GRM8: variants seen among roughly 807,000 people sequenced by gnomAD.
GRM8 encodes the protein metabotropic glutamate receptor 8.
GRM8 carries 47 observed loss-of-function variants against 87.2 expected under a neutral mutation model. That is an observed-to-expected ratio of 0.54 (90% CI 0.43 to 0.69). The LOEUF (loss-of-function observed/expected upper bound fraction) is 0.69, where lower values mean the gene tolerates loss of function less well. Ranked by LOEUF, GRM8 falls within the 30% of genes least tolerant of loss-of-function variation. The pLI, the probability that GRM8 is intolerant of heterozygous loss-of-function variation, is 0.00. For synonymous variants in GRM8, 396 were observed against 404.5 expected (o/e 0.98, Z 0.25); for missense variants, 1,019 against 1,139.2 (o/e 0.89, Z 1.52).
At chr7:126,747,353 C>T (rs1287563694) in intron 7 of GRM8, among the ~76,000 whole-genome samples, 2 of 151,942 alleles carry the variant, frequency 1.3e-5, no homozygotes, top group African/African-American at 4.8e-5. Flanking sequence ...TAGCCACTTG[C>T]CCTATTATGC....
rs1799304624 is a variant in GRM8, at chr7:126,873,789, C to G, written c.1156+28753G>C. Among the ~76,000 whole-genome samples, 3 of 152,166 alleles carry G rather than the reference C, an allele frequency of 2.0e-5. No homozygotes were observed. The South Asian group carries it at 6.2e-4, about 32-fold the overall frequency. On this transcript the variant is annotated intron_variant, in intron 6 of 10. Coordinates refer to ENST00000339582, the MANE Select transcript of GRM8 (RefSeq NM_000845.3). ...AACATGGCAACCTATTGGGCTGAGA[C>G]AGATAGAAAATGCATCCATGATCTC...
At chr7:126,967,435 G>C (rs10272799) in intron 3 of GRM8, among the ~76,000 whole-genome samples, 347 of 151,978 alleles carry the variant, frequency 2.3e-3, no homozygotes, top group African/African-American at 8.0e-3. Flanking sequence ...TTTTTCAAAG[G>C]GAAAATAACC....
chr7:127,131,213 T>C (rs1303129720), intron 2 of GRM8, among the ~76,000 whole-genome samples: 1 of 152,188 alleles, frequency 6.6e-6, no homozygotes, highest in African/African-American at 2.4e-5. Flanking sequence ...TTCTTGTTGA[T>C]TGCTTACAAT....
chr7:126,726,019 T>A (rs1812930347), intron 7 of GRM8, among the ~76,000 whole-genome samples: 1 of 152,188 alleles, frequency 6.6e-6, no homozygotes, highest in Admixed American at 6.5e-5. Context: ...AACATCAGAT[T>A]TGGGTAGGGA....
At chr7:126,491,245 T>C (rs967029729) in intron 9 of GRM8, among the ~76,000 whole-genome samples, 2 of 152,068 alleles carry the variant, frequency 1.3e-5, no homozygotes, top group African/African-American at 4.8e-5. Context: ...CACAGAAACA[T>C]GATTTTCCTC....
chr7:127,091,681 A>C (rs1448035425), intron 3 of GRM8, among the ~76,000 whole-genome samples: 4 of 44,524 alleles, frequency 9.0e-5, no homozygotes, highest in Non-Finnish European at 1.2e-4. Flanking sequence ...TCATCCTCCC[A>C]TCCCACTGAT....
chr7:126,491,075 T>A (rs1268725029), intron 9 of GRM8, among the ~76,000 whole-genome samples: 3 of 152,110 alleles, frequency 2.0e-5, no homozygotes, highest in African/African-American at 7.2e-5. Flanking sequence ...ATGTTTCAAG[T>A]GATCAGTGAA....
At chr7:126,745,821 G>A (rs749231834) in intron 7 of GRM8, among the ~76,000 whole-genome samples, 43 of 151,550 alleles carry the variant, frequency 2.8e-4, no homozygotes, top group African/African-American at 8.4e-4. Flanking sequence ...CTCTCCTTCC[G>A]AATATTAAAT....
chr7:127,018,832 G>A (rs765149192), intron 3 of GRM8, among the ~76,000 whole-genome samples: 9 of 151,960 alleles, frequency 5.9e-5, no homozygotes, highest in African/African-American at 1.7e-4. Flanking sequence ...TGAAAGCCAC[G>A]TACTAAGGAA....
At chr7:126,550,402 G>A (rs930426495) in intron 8 of GRM8, among the ~76,000 whole-genome samples, 1 of 151,968 alleles carries the variant, frequency 6.6e-6, no homozygotes, top group East Asian at 1.9e-4. Flanking sequence ...ATAAGCCACC[G>A]CACCCGGCCG....
chr7:126,726,221 TAA>T (rs34547396), intron 7 of GRM8, among the ~76,000 whole-genome samples: 1 of 148,186 alleles, frequency 6.7e-6, no homozygotes, highest in Non-Finnish European at 1.5e-5. Context: ...TGGATCAGGT[TAA>T]AAAAAAAACG....
intron 3 of GRM8, among the ~76,000 whole-genome samples, chr7:126,914,490 TTACAATAGCAAA>T (rs1251697000): frequency 3.9e-5 from 6 of 152,138 alleles, no homozygotes; most frequent in African/African-American, 1.4e-4. Context: ...CACAGCACTA[TTACAATAGCAAA>T]GACGTGGAAT....
intron 6 of GRM8, among the ~76,000 whole-genome samples, chr7:126,826,563 G>A (rs1251706283): frequency 1.3e-5 from 2 of 151,994 alleles, no homozygotes; most frequent in Admixed American, 6.6e-5. Flanking sequence ...TTTTTGATGG[G>A]GTTGTTTTTT....
chr7:126,952,974 G>A (rs1391978919), intron 3 of GRM8, among the ~76,000 whole-genome samples: 1 of 152,006 alleles, frequency 6.6e-6, no homozygotes, highest in Non-Finnish European at 1.5e-5. Context: ...TTATATCAAT[G>A]TTAATTTCTG....
intron 7 of GRM8, among the ~76,000 whole-genome samples, chr7:126,735,162 T>A (rs533062953): frequency 6.6e-6 from 1 of 151,974 alleles, no homozygotes; most frequent in African/African-American, 2.4e-5. Flanking sequence ...CAAATATGAA[T>A]AGATGAATTA....
chr7:127,238,100 G>A (rs1186745962), intron 2 of GRM8, among the ~76,000 whole-genome samples: 1 of 152,054 alleles, frequency 6.6e-6, no homozygotes, highest in Non-Finnish European at 1.5e-5. Context: ...TCTTTTCACT[G>A]GGTTGTCTGC....
intron 6 of GRM8, among the ~76,000 whole-genome samples, chr7:126,840,498 T>A (rs1025525343): frequency 4.6e-5 from 7 of 152,184 alleles, no homozygotes; most frequent in African/African-American, 1.4e-4. Context: ...CAAGCATAGT[T>A]TTTTTCTCAT....
chr7:126,610,697 CA>C (rs1313018617), intron 7 of GRM8, among the ~76,000 whole-genome samples: 2 of 152,020 alleles, frequency 1.3e-5, no homozygotes, highest in Non-Finnish European at 2.9e-5. Context: ...ATGACTTTAT[CA>C]AAAAAACACA....
At position 126,533,846 on chromosome 7, in the gene GRM8, C is replaced by T. The variant is rs774632571; in HGVS notation, c.1536G>A (p.Pro512=). 8.1e-6 allele frequency: 13 copies of T among 1,613,830 alleles called. No individual in the cohort carries two copies. The highest frequency in any genetic ancestry group is 5.0e-5 in the Admixed American group (3 of 59,978). Residue 512 remains proline, a synonymous_variant, in exon 9 of 11, where the codon CCG becomes CCA. Coordinates refer to ENST00000339582, the MANE Select transcript of GRM8 (RefSeq NM_000845.3). ...MQWAHREHTH[P]ASVCSLPCKP... ...TACACGGCAGGCTGCAGACAGACGC[C>T]GGGTGAGTATGTTCTCTATGAGCCC... is the stretch of plus-strand genomic sequence containing the variant.
Sources: allele counts gnomAD v4.1 joint callset (sites outside exome capture counted in the v4.1 genomes callset), GRCh38; gene constraint gnomAD v4.1.1; transcripts MANE v1.5; gene names NCBI Gene and HGNC (gene_info 2026-07-23, HGNC 2026-07-21).